Variants in KCTD21 observed in about 807,000 individuals in gnomAD.
KCTD21 encodes BTB/POZ domain-containing protein KCTD21.
KCTD21 carries 9 observed loss-of-function variants against 13.2 expected under a neutral mutation model. The observed-to-expected ratio is 0.68, with a 90% CI of 0.41 to 1.19. The LOEUF (loss-of-function observed/expected upper bound fraction) is 1.19, where lower values mean the gene tolerates loss of function less well. Among genes scored for constraint, KCTD21 ranks in the 50% most tolerant of loss-of-function variants. The pLI is 0.01. For missense variants in KCTD21, 303 were observed against 336.5 expected (o/e 0.90, Z 0.78); for synonymous variants, 142 against 137.4 (o/e 1.03, Z -0.23).
At chr11:78,182,299 C>CG (rs935762189) in intron 1 of KCTD21, among the ~76,000 whole-genome samples, 1 of 56,618 alleles carries the variant, frequency 1.8e-5, no homozygotes, top group African/African-American at 5.6e-5. Flanking sequence ...CCCAAAGCAC[C>CG]CCCCCCCCCT....
At chr11:78,177,164 C>G (rs534783625) in intron 1 of KCTD21, among the ~76,000 whole-genome samples, 3 of 152,352 alleles carry the variant, frequency 2.0e-5, no homozygotes, top group African/African-American at 7.2e-5. Flanking sequence ...TGCACTGAGG[C>G]CTCCTTTCTC....
chr11:78,172,335 C>T lies in KCTD21; in HGVS notation c.*1437G>A, dbSNP rs117340236. On this transcript the variant is annotated 3_prime_UTR_variant, in exon 2 of 2. Transcript: ENST00000340067. ...CACATTTACTCTAAGGGCACTGTTA[C>T]GGTTCATACCACTCCTGGGCTCCTT... is the stretch of plus-strand genomic sequence containing the variant. 4.9e-3 allele frequency: 744 copies of T among 152,330 alleles called. 27 individuals are homozygous for T. The highest frequency in any genetic ancestry group is 5.3e-3 in the Non-Finnish European group (364 of 68,060). 9.4% of individuals were successfully genotyped at this position (152,330 alleles called of 1,614,324 possible).
Position 78,174,392 on chromosome 11 carries a change from CTT to C in KCTD21, c.161_162del (p.Lys54SerfsTer15). 6.2e-7 allele frequency: 1 copy of C among 1,614,094 alleles called. No homozygotes were observed. The highest frequency in any genetic ancestry group is 8.5e-7 in the Non-Finnish European group (1 of 1,180,018). ...QGNCFIDRDG[K>X]VFRYILNFLR... ...AGGAAGTTGAGGATATAGCGGAACA[CTT>C]TGCCGTCACGGTCAATGAAGCAGTT... On this transcript the variant is annotated frameshift_variant, in exon 2 of 2. Coordinates refer to ENST00000340067, the MANE Select transcript of KCTD21 (RefSeq NM_001029859.3). LOFTEE classifies it high-confidence loss of function.
intron 1 of KCTD21, 78 bp from the exon 2 acceptor site, chr11:78,174,661 C>T (rs1364511464): frequency 1.0e-6 from 1 of 991,470 alleles, no homozygotes. Flanking sequence ...CCTTATTGTA[C>T]ATCAAGCCTA....
In KCTD21 at chr11:78,172,821, C is replaced by G. The variant is rs1357014152; in HGVS notation, c.*951G>C. On this transcript the variant is annotated 3_prime_UTR_variant, in exon 2 of 2. Coordinates refer to ENST00000340067, the MANE Select transcript of KCTD21 (RefSeq NM_001029859.3). ...CTTCCTATCAGCCAAGGTATGCAAG[C>G]AGGCCAAGGTGATCACTTGCAGGTA... is the stretch of plus-strand genomic sequence containing the variant. 3.9e-5 allele frequency: 6 copies of G among 152,530 alleles called. No homozygotes were observed. The highest frequency in any genetic ancestry group is 1.4e-4 in the African/African-American group (6 of 41,414). 9.4% of individuals were successfully genotyped at this position (152,530 alleles called of 1,614,324 possible). A position where few individuals can be genotyped will look rare whatever the true frequency, so the allele number is the denominator to read the frequency against.
chr11:78,187,249 C>T (rs898728783), intron 1 of KCTD21: 1 of 985,246 alleles, frequency 1.0e-6, no homozygotes, highest in African/African-American at 1.7e-5. Context: ...GCCCCTAGGA[C>T]GACTACCCTT....
Position 78,172,113 on chromosome 11 carries a change from G to A in KCTD21, c.*1659C>T, listed in dbSNP as rs1862297210. 6.6e-6 allele frequency: 1 copy of A among 152,282 alleles called. No homozygotes were observed. The highest frequency in any genetic ancestry group is 1.9e-4 in the East Asian group (1 of 5,200). 9.4% of individuals were successfully genotyped at this position (152,282 alleles called of 1,614,324 possible). A position where few individuals can be genotyped will look rare whatever the true frequency, so the allele number is the denominator to read the frequency against. On this transcript the variant is annotated 3_prime_UTR_variant, in exon 2 of 2. Coordinates refer to ENST00000340067, the MANE Select transcript of KCTD21 (RefSeq NM_001029859.3). ...TGAGGACCCCTGCCCAGTGGGGGAG[G>A]ACCCTGGGGACTCTCAAGGCCAAAC...
chr11:78,187,978 G>A, intron 1 of KCTD21: 1 of 985,414 alleles, frequency 1.0e-6, no homozygotes, highest in South Asian at 4.7e-5. Context: ...GGGCGTGGGA[G>A]GTCAATGAGA....
At chr11:78,186,022 T>G (rs1321556795) in intron 1 of KCTD21, among the ~76,000 whole-genome samples, 1 of 151,964 alleles carries the variant, frequency 6.6e-6, no homozygotes, top group Admixed American at 6.6e-5. Context: ...CATGACTCAC[T>G]GTGAATGTTG....
chr11:78,174,187 A>G lies in KCTD21; in HGVS notation c.368T>C (p.Val123Ala). ...NITLNQRVQT[V>A]HFTVREAPQI... ...GGGTGCCTCGCGCACAGTGAAGTGG[A>G]CCGTCTGCACACGCTGGTTCAGTGT... Residue 123 changes from valine (V) to alanine (A), a missense_variant, in exon 2 of 2, where the codon GTC becomes GCC. Coordinates refer to ENST00000340067, the MANE Select transcript of KCTD21 (RefSeq NM_001029859.3). 2 of 1,614,000 alleles carry G rather than the reference A, an allele frequency of 1.2e-6. No homozygotes were observed. Among genetic ancestry groups the G allele is most frequent in the Non-Finnish European group, 1.7e-6 (2 of 1,179,976 alleles).
At position 78,171,560 on chromosome 11, in the gene KCTD21, C is replaced by T. The variant is rs1157533896; in HGVS notation, c.*2212G>A. ...TCCTCAAATTGTTTTGTTATGACCA[C>T]AGCTTCTGCTACTTGGTCTAAACTA... On this transcript the variant is annotated 3_prime_UTR_variant, in exon 2 of 2. Transcript: ENST00000340067. The T allele has an allele frequency of 1.3e-5, 2 of 152,676 alleles. No homozygotes were observed. Among genetic ancestry groups the T allele is most frequent in the African/African-American group, 4.8e-5 (2 of 41,590 alleles). 9.5% of individuals were successfully genotyped at this position (152,676 alleles called of 1,614,324 possible). A position where few individuals can be genotyped will look rare whatever the true frequency, so the allele number is the denominator to read the frequency against.
intron 1 of KCTD21, chr11:78,187,617 C>G (rs984049019): frequency 1.0e-6 from 1 of 985,298 alleles, no homozygotes; most frequent in African/African-American, 1.7e-5. Context: ...CACCAGCACC[C>G]CATTTCAAAC....
rs79576976 is a variant in KCTD21, at chr11:78,179,590, G to A, written c.-29-5007C>T. Among the ~76,000 whole-genome samples, 99 of 152,086 alleles carry A rather than the reference G, an allele frequency of 6.5e-4. No homozygotes were observed. The East Asian group carries it at 0.017, about 26-fold the overall frequency. On this transcript the variant is annotated intron_variant, in intron 1 of 1. Transcript: ENST00000340067. ...CCCCTGCACCCCTACATCCTCACTCGGCTCCCTGCCTTCTGTCCACCTTCC... is the reference window on the plus strand; with the variant it reads ...CCCCTGCACCCCTACATCCTCACTCAGCTCCCTGCCTTCTGTCCACCTTCC...
At chr11:78,179,121 C>T (rs1332677796) in intron 1 of KCTD21, among the ~76,000 whole-genome samples, 1 of 152,182 alleles carries the variant, frequency 6.6e-6, no homozygotes, top group Non-Finnish European at 1.5e-5. Context: ...CCACTCCCAC[C>T]CTGAGGAGTG....
chr11:78,179,508 A>C (rs1201048574), intron 1 of KCTD21, among the ~76,000 whole-genome samples: 1 of 151,758 alleles, frequency 6.6e-6, no homozygotes, highest in East Asian at 1.9e-4. Flanking sequence ...GTTTGTCTTG[A>C]CTATCTCCTT....
chr11:78,187,963 T>G (rs1862844229), intron 1 of KCTD21: 7 of 985,232 alleles, frequency 7.1e-6, no homozygotes, highest in African/African-American at 1.7e-5. Flanking sequence ...CGCCTCTACT[T>G]TTCAGGGCGT....
chr11:78,187,806 CCTGCCTCCCACGCCAAGCTAAACCT>C (rs1364427227), intron 1 of KCTD21: 6 of 985,302 alleles, frequency 6.1e-6, no homozygotes, highest in South Asian at 4.7e-5. Flanking sequence ...ACTTTTCTTT[CCTGCCTCCCACGCCAAGCTAAACCT>C]CTGCCTCCCC....
intron 1 of KCTD21, among the ~76,000 whole-genome samples, chr11:78,178,621 C>T (rs1485567354): frequency 5.9e-5 from 9 of 152,150 alleles, no homozygotes; most frequent in African/African-American, 2.2e-4. Flanking sequence ...GCCACCTCCA[C>T]TTGGATATTC....
intron 1 of KCTD21, among the ~76,000 whole-genome samples, chr11:78,181,353 C>T (rs1862613508): frequency 6.6e-6 from 1 of 152,130 alleles, no homozygotes; most frequent in Admixed American, 6.5e-5. Context: ...AAGACATTAC[C>T]ACATACATGA....
Sources: gnomAD v4.1 joint callset for allele counts (sites outside exome capture counted in the v4.1 genomes callset) on GRCh38, gnomAD v4.1.1 for gene constraint, MANE v1.5 for transcripts, NCBI Gene and HGNC (gene_info 2026-07-23, HGNC 2026-07-21) for gene names.